The following HGS variants were observed in gnomAD, a reference collection of about 807,000 sequenced individuals.
The protein encoded by HGS is human growth factor-regulated tyrosine kinase substrate.
Under a neutral mutation model 109.7 loss-of-function variants are expected in HGS, and 63 were observed. The observed-to-expected ratio is 0.57, with a 90% CI of 0.47 to 0.71. The LOEUF is 0.71. Among genes scored for constraint, HGS ranks in the 30% least tolerant of loss-of-function variants. HGS has a pLI of 0.00. For missense variants in HGS, 995 were observed against 1,068.3 expected (o/e 0.93, Z 0.96); for synonymous variants, 546 against 437.3 (o/e 1.25, Z -3.10).
intron 1 of HGS, chr17:81,685,127 C>T (rs2036954899): frequency 2.1e-6 from 2 of 948,044 alleles, no homozygotes; most frequent in Non-Finnish European, 2.5e-6. Context: ...AAGCACTTGG[C>T]TTGGAGCAAG....
Position 81,700,447 on chromosome 17 carries a change from C to T in HGS, c.1883-20C>T, listed in dbSNP as rs111866889. 39 of 1,541,886 alleles carry T rather than the reference C, an allele frequency of 2.5e-5. No homozygotes were observed. The African/African-American group carries it at 4.0e-4, about 16-fold the overall frequency. On this transcript the variant is annotated intron_variant, in intron 18 of 21. Coordinates refer to ENST00000329138, the MANE Select transcript of HGS (RefSeq NM_004712.5). ...CCTGTTGCCCTGGCTGAACCATCTCCCCTGTCTTGTTTGTCACAGATCCCA... is the reference window on the plus strand; with the variant it reads ...CCTGTTGCCCTGGCTGAACCATCTCTCCTGTCTTGTTTGTCACAGATCCCA...
rs2037228736 is a variant in HGS at position 81,700,981 on chromosome 17, A to G, written c.2137-64A>G. Reference sequence around the variant, plus strand: ...GGTCACCTTTGGATTGTTGCAAGCCAGAAACATCCCCGCCTGCCTGGTCAC... The same window carrying G: ...GGTCACCTTTGGATTGTTGCAAGCCGGAAACATCCCCGCCTGCCTGGTCAC... On this transcript the variant is annotated intron_variant, in intron 20 of 21. Transcript: ENST00000329138. 5.1e-6 allele frequency: 8 copies of G among 1,559,280 alleles called. No individual in the cohort carries two copies. The South Asian group carries it at 8.9e-5, about 17-fold the overall frequency.
rs182010329 is a variant in HGS at position 81,693,832 on chromosome 17, C to T, written c.841-38C>T. On this transcript the variant is annotated intron_variant, in intron 10 of 21. Transcript: ENST00000329138. ...CTGCGGTGGGGCCGGAGGGGCGTCA[C>T]GTGCACCCAAGTGACGCCCCTTCTG... 7.0e-6 allele frequency: 11 copies of T among 1,571,914 alleles called. No homozygotes were observed. In the South Asian group the frequency reaches 1.0e-4, roughly 15 times the overall value.
chr17:81,695,250 A>C (rs1598748490), intron 14 of HGS, 27 bp downstream of exon 14: 1 of 1,610,622 alleles, frequency 6.2e-7, no homozygotes, highest in Non-Finnish European at 8.5e-7. Context: ...TCCACGGGCC[A>C]GGGCAAAACA....
chr17:81,691,701 T>A lies in HGS; in HGVS notation c.662+130T>A. On this transcript the variant is annotated intron_variant, in intron 8 of 21. Coordinates refer to ENST00000329138, the MANE Select transcript of HGS (RefSeq NM_004712.5). This position sits in a 1 kb window ranked among gnomAD's most constrained non-coding sequence, Gnocchi z 5.3. ...CCCTCACAGCACAGCAGCTGGAAGGTCAAGGGAAACCCAGGGTGGCCGCAT... is the reference window on the plus strand; with the variant it reads ...CCCTCACAGCACAGCAGCTGGAAGGACAAGGGAAACCCAGGGTGGCCGCAT... 1 of 1,271,684 alleles carries A rather than the reference T, an allele frequency of 7.9e-7. No homozygotes were observed. Among genetic ancestry groups the A allele is most frequent in the Middle Eastern group, 2.1e-4 (1 of 4,804 alleles). 78.8% of individuals were successfully genotyped at this position (1,271,684 alleles called of 1,614,324 possible). A position where few individuals can be genotyped will look rare whatever the true frequency, so the allele number is the denominator to read the frequency against.
intron 1 of HGS, among the ~76,000 whole-genome samples, chr17:81,684,597 C>T (rs1008628257): frequency 6.6e-6 from 1 of 152,194 alleles, no homozygotes; most frequent in African/African-American, 2.4e-5. Flanking sequence ...CCCACACTGG[C>T]TTCGGGAAGT....
At chr17:81,686,937 G>A in intron 3 of HGS, 66 bp from the exon 4 acceptor site, 1 of 1,346,130 alleles carries the variant, frequency 7.4e-7, no homozygotes, top group Non-Finnish European at 1.0e-6. Context: ...AGGTGGGTCT[G>A]TCCGGGAGGA....
At chr17:81,685,067 C>G in intron 1 of HGS, 1 of 985,362 alleles carries the variant, frequency 1.0e-6, no homozygotes, top group Non-Finnish European at 1.2e-6. Flanking sequence ...GGTATGATGA[C>G]AGGTATGCTG....
At chr17:81,686,118 A>T in intron 2 of HGS, 194 bp from the exon 3 acceptor site, 1 of 576,706 alleles carries the variant, frequency 1.7e-6, no homozygotes, top group South Asian at 2.0e-5. Flanking sequence ...TTTGGTAGAG[A>T]TGGGTTTTTG....
rs780979544 is a variant in HGS at position 81,693,893 on chromosome 17, G to A, written c.864G>A (p.Ser288=). The A allele has an allele frequency of 3.5e-5, 57 of 1,610,662 alleles. 1 individual carries two copies. The South Asian group carries it at 4.6e-4, about 13-fold the overall frequency. Residue 288 remains serine (S), a synonymous_variant, in exon 11 of 22, where the codon TCG becomes TCA. Coordinates refer to ENST00000329138, the MANE Select transcript of HGS (RefSeq NM_004712.5). ...AGAGACAGAAGTCCACGTACACTTCGTACCCCAAGGCGGAGCCCATGCCCT... is the reference window on the plus strand; with the variant it reads ...AGAGACAGAAGTCCACGTACACTTCATACCCCAAGGCGGAGCCCATGCCCT... ...ERLRQKSTYT[S]YPKAEPMPSA...
intron 4 of HGS, 138 bp downstream of exon 4, chr17:81,687,233 C>G: frequency 3.0e-6 from 2 of 659,486 alleles, no homozygotes. Context: ...CCCTGCACTG[C>G]GCAAGCTCGC....
Position 81,691,968 on chromosome 17 carries a change from G to A in HGS, c.662+397G>A, listed in dbSNP as rs372054971. On this transcript the variant is annotated intron_variant, in intron 8 of 21. Transcript: ENST00000329138. This position sits in a 1 kb window ranked among gnomAD's most constrained non-coding sequence, Gnocchi z 5.3. ...GGCCGCGGCCGGTGCCTCGGCGGTC[G>A]GTGTTTTGTCGCAGAGTTTACTCTG... is the stretch of plus-strand genomic sequence containing the variant. The A allele has an allele frequency of 4.4e-4, 88 of 198,036 alleles. No individual in the cohort carries two copies. In the East Asian group the frequency reaches 9.0e-3, roughly 20 times the overall value. The allele number at this position is 198,036 out of a possible 1,614,324, so 12.3% of individuals were successfully genotyped here.
In HGS at chr17:81,684,070, G is replaced by T; in HGVS notation, c.4G>T (p.Gly2Trp). The change falls in exon 1 of 22, where the codon GGG (glycine) becomes TGG (tryptophan). Residue 2 changes from glycine (G) to tryptophan (W), a missense_variant. This residue lies in a region of HGS where 23 missense variants were observed against 25.4 expected (regional missense o/e 0.91). Transcript: ENST00000329138. ...CGGGTTTGGGCTGGAGGTCGCCATG[G>T]GGCGAGGCAGCGGCACCTTCGAGCG... is the stretch of plus-strand genomic sequence containing the variant. M[G>W]RGSGTFERLL... 1 of 1,594,416 alleles carries T rather than the reference G, an allele frequency of 6.3e-7. No homozygotes were observed. The highest frequency in any genetic ancestry group is 8.5e-7 in the Non-Finnish European group (1 of 1,172,818).
chr17:81,700,458 T>C lies in HGS; in HGVS notation c.1883-9T>C, dbSNP rs1015396870. 1.5e-5 allele frequency: 23 copies of C among 1,549,786 alleles called. No homozygotes were observed. The East Asian group carries it at 4.5e-4, about 31-fold the overall frequency. ...GGCTGAACCATCTCCCCTGTCTTGT[T>C]TGTCACAGATCCCAGCATGGTGAGT... On this transcript the variant is annotated splice_polypyrimidine_tract_variant and intron_variant, in intron 18 of 21. Transcript: ENST00000329138.
intron 18 of HGS, among the ~76,000 whole-genome samples, chr17:81,698,843 T>G (rs2037192406): frequency 2.0e-5 from 3 of 152,214 alleles, no homozygotes; most frequent in African/African-American, 7.2e-5. Flanking sequence ...CCAAGGCGCG[T>G]GGCTCACCTG....
chr17:81,684,014 C>G lies in HGS; in HGVS notation c.-53C>G, dbSNP rs2036925961. On this transcript the variant is annotated 5_prime_UTR_variant, in exon 1 of 22. Transcript: ENST00000329138. ...GCGGAAGCGGAAGTCGGGGGGCGCG[C>G]CAGCTCGTAGCAGGGGAGCGCCCGC... 2 of 1,565,998 alleles carry G rather than the reference C, an allele frequency of 1.3e-6. No homozygotes were observed. The highest frequency in any genetic ancestry group is 1.7e-6 in the Non-Finnish European group (2 of 1,159,760).
chr17:81,697,484 C>T (rs184606762), intron 18 of HGS: 37 of 154,000 alleles, frequency 2.4e-4, no homozygotes, highest in Non-Finnish European at 4.5e-4. Flanking sequence ...TGTCTCCACG[C>T]GGTGACCATA....
At chr17:81,692,474 T>C (rs1178405623) in intron 8 of HGS, 1 of 152,182 alleles carries the variant, frequency 6.6e-6, no homozygotes, top group Admixed American at 6.6e-5. Flanking sequence ...GCCCGGAAAG[T>C]TCCTTTTCCT....
intron 18 of HGS, among the ~76,000 whole-genome samples, chr17:81,699,432 A>T (rs1406345412): frequency 6.6e-6 from 1 of 152,078 alleles, no homozygotes; most frequent in Non-Finnish European, 1.5e-5. Context: ...TTGTTGGTTT[A>T]TCTTCTTTTT....
Sources: gnomAD v4.1 joint callset for allele counts (sites outside exome capture counted in the v4.1 genomes callset) on GRCh38, gnomAD v4.1.1 for gene constraint, gnomAD v4.1.1 regional missense constraint, Gnocchi (gnomAD v3.1) non-coding constraint, MANE v1.5 for transcripts, NCBI Gene and HGNC (gene_info 2026-07-23, HGNC 2026-07-21) for gene names.